Variants in WAC observed in about 807,000 individuals in gnomAD.
The protein encoded by WAC is WW domain-containing adapter protein with coiled-coil.
Under a neutral mutation model 79.6 loss-of-function variants are expected in WAC, and 11 were observed. The observed-to-expected ratio is 0.14, with a 90% CI of 0.09 to 0.23. The LOEUF (loss-of-function observed/expected upper bound fraction) is 0.23, where lower values mean the gene tolerates loss of function less well. WAC is among the 10% of genes least tolerant of loss of function. The pLI is 1.00. For missense variants in WAC, 728 were observed against 773.5 expected (o/e 0.94, Z 0.70); for synonymous variants, 304 against 276.9 (o/e 1.10, Z -0.97).
chr10:28,538,182 C>G (rs1221893672), intron 3 of WAC: 2 of 159,574 alleles, frequency 1.3e-5, no homozygotes, highest in Non-Finnish European at 2.8e-5. Flanking sequence ...AATTTGTTTT[C>G]TGGTGTTTAT....
At chr10:28,616,620 C>T (rs1210614318) in intron 12 of WAC, among the ~76,000 whole-genome samples, 2 of 152,216 alleles carry the variant, frequency 1.3e-5, no homozygotes, top group African/African-American at 4.8e-5. Flanking sequence ...TTTATTTTCT[C>T]TACTTCTTAA....
intron 3 of WAC, among the ~76,000 whole-genome samples, chr10:28,543,181 G>A (rs923384536): frequency 4.6e-5 from 7 of 152,124 alleles, no homozygotes; most frequent in African/African-American, 9.7e-5. Context: ...ACAAGATCTC[G>A]GGTGATACCT....
chr10:28,619,708 G>A lies in WAC; in HGVS notation c.*102G>A, dbSNP rs1841624257. ...ATTTAAGTAGACTTTGGACCGTTAA[G>A]CTGGGCAAAGGAAATGACAAGGGGA... is the stretch of plus-strand genomic sequence containing the variant. On this transcript the variant is annotated 3_prime_UTR_variant, in exon 14 of 14. Coordinates refer to ENST00000354911, the MANE Select transcript of WAC (RefSeq NM_016628.5). 1.1e-6 allele frequency: 1 copy of A among 916,988 alleles called. No homozygotes were observed. The highest frequency in any genetic ancestry group is 1.6e-6 in the Non-Finnish European group (1 of 631,086). The allele number at this position is 916,988 out of a possible 1,614,324, so 56.8% of individuals were successfully genotyped here. A position where few individuals can be genotyped will look rare whatever the true frequency, so the allele number is the denominator to read the frequency against.
At chr10:28,606,924 CTT>C (rs1840984039) in intron 7 of WAC, among the ~76,000 whole-genome samples, 1 of 152,156 alleles carries the variant, frequency 6.6e-6, no homozygotes, top group South Asian at 2.1e-4. Context: ...TCTCATTACT[CTT>C]TGCCAACATT....
chr10:28,563,208 C>A (rs1301602210), intron 3 of WAC, among the ~76,000 whole-genome samples: 2 of 152,056 alleles, frequency 1.3e-5, no homozygotes, highest in Non-Finnish European at 1.5e-5. Context: ...TGTGGCCGAG[C>A]ATTTTAGCAT....
intron 3 of WAC, among the ~76,000 whole-genome samples, chr10:28,559,486 C>T (rs977341855): frequency 1.3e-5 from 2 of 152,008 alleles, no homozygotes; most frequent in Admixed American, 6.6e-5. Flanking sequence ...GAAACGGAGG[C>T]AAAATTAATA....
Position 28,533,163 on chromosome 10 carries a change from G to GGCGGCACCA in WAC, c.-412_-411insACCAGCGGC, listed in dbSNP as rs1836364669. On this transcript the variant is annotated 5_prime_UTR_variant, in exon 1 of 14. Coordinates refer to ENST00000354911, the MANE Select transcript of WAC (RefSeq NM_016628.5). ...GTGGAGCGGCAGCGGCGGCACCAGCGGCGGCGGCGGCGGCGGGAGGAGGAG... is the reference window on the plus strand; with the variant it reads ...GTGGAGCGGCAGCGGCGGCACCAGCGGCGGCACCAGCGGCGGCGGCGGCGGGAGGAGGAG... 6.1e-6 allele frequency: 1 copy of GGCGGCACCA among 162,660 alleles called. No individual in the cohort carries two copies. The highest frequency in any genetic ancestry group is 1.8e-4 in the East Asian group (1 of 5,458). 10.1% of individuals were successfully genotyped at this position (162,660 alleles called of 1,614,324 possible). A position where few individuals can be genotyped will look rare whatever the true frequency, so the allele number is the denominator to read the frequency against.
chr10:28,593,843 T>C (rs993345846), intron 6 of WAC, among the ~76,000 whole-genome samples: 2 of 152,214 alleles, frequency 1.3e-5, no homozygotes, highest in African/African-American at 4.8e-5. Flanking sequence ...AATTTTTATT[T>C]TTGCAAACCT....
chr10:28,561,288 C>T (rs969655906), intron 3 of WAC, among the ~76,000 whole-genome samples: 3 of 152,170 alleles, frequency 2.0e-5, no homozygotes, highest in Non-Finnish European at 4.4e-5. Context: ...ACTGGGTACT[C>T]GCCACTCAAT....
intron 3 of WAC, among the ~76,000 whole-genome samples, chr10:28,537,837 T>C (rs1303786755): frequency 6.6e-6 from 1 of 152,234 alleles, no homozygotes; most frequent in Non-Finnish European, 1.5e-5. Flanking sequence ...CTTTTCGTTT[T>C]TAAAAATTTG....
At chr10:28,535,849 A>G (rs1836631070) in intron 3 of WAC, 92 bp downstream of exon 3, 2 of 1,100,844 alleles carry the variant, frequency 1.8e-6, no homozygotes, top group African/African-American at 3.2e-5. Flanking sequence ...TGAAGAAGTT[A>G]CTGTTCAGTT....
chr10:28,577,243 T>A (rs1006317106), intron 3 of WAC, among the ~76,000 whole-genome samples: 1 of 152,184 alleles, frequency 6.6e-6, no homozygotes, highest in Non-Finnish European at 1.5e-5. Flanking sequence ...GTGTACAAAT[T>A]TTTTTTAGTC....
At chr10:28,581,078 G>A (rs975636926) in intron 3 of WAC, among the ~76,000 whole-genome samples, 2 of 152,100 alleles carry the variant, frequency 1.3e-5, no homozygotes, top group South Asian at 2.1e-4. Flanking sequence ...TACCAGGGAA[G>A]CTCACTAGAG....
At chr10:28,617,612 T>C in intron 12 of WAC, 45 bp from the exon 13 acceptor site, 1 of 1,493,380 alleles carries the variant, frequency 6.7e-7, no homozygotes, top group Non-Finnish European at 8.9e-7. Flanking sequence ...ATTTTGTGTA[T>C]GTTAATGTTT....
At chr10:28,612,538 G>A (rs1208818588) in intron 10 of WAC, among the ~76,000 whole-genome samples, 1 of 152,222 alleles carries the variant, frequency 6.6e-6, no homozygotes, top group African/African-American at 2.4e-5. Context: ...AATGGTAAAT[G>A]TAGGGGGAAT....
chr10:28,557,540 A>T (rs970483952), intron 3 of WAC, among the ~76,000 whole-genome samples: 1 of 152,120 alleles, frequency 6.6e-6, no homozygotes, highest in Non-Finnish European at 1.5e-5. Context: ...AAAAATTTTT[A>T]AAAATCAGCT....
In WAC at chr10:28,533,563, T is replaced by A. The variant is rs2132290121; in HGVS notation, c.-17T>A. The A allele has an allele frequency of 6.3e-6, 9 of 1,437,742 alleles. No individual in the cohort carries two copies. Among genetic ancestry groups the A allele is most frequent in the African/African-American group, 1.5e-5 (1 of 65,904 alleles). The allele number at this position is 1,437,742 out of a possible 1,614,324, so 89.1% of individuals were successfully genotyped here. On this transcript the variant is annotated 5_prime_UTR_variant, in exon 1 of 14. Coordinates refer to ENST00000354911, the MANE Select transcript of WAC (RefSeq NM_016628.5). ...GCTCTCCCCCCTCCCCGACACACAC[T>A]CACAGGCCGGGCATTGATGGTAATG...
In WAC at chr10:28,610,698, G is replaced by A; in HGVS notation, c.1166-1G>A. The A allele has an allele frequency of 2.5e-6, 4 of 1,604,426 alleles. No individual in the cohort carries two copies. Among genetic ancestry groups the A allele is most frequent in the Non-Finnish European group, 3.4e-6 (4 of 1,177,322 alleles). ...GAATGTATGAAATAATATGTTTTTA[G>A]TTCTTACAGCAGCTGTGACACAAGC... On this transcript the variant is annotated splice_acceptor_variant, in intron 8 of 13. Coordinates refer to ENST00000354911, the MANE Select transcript of WAC (RefSeq NM_016628.5). LOFTEE classifies it high-confidence loss of function.
chr10:28,586,591 C>A (rs952818875), intron 4 of WAC, among the ~76,000 whole-genome samples: 5 of 152,096 alleles, frequency 3.3e-5, no homozygotes, highest in African/African-American at 1.2e-4. Context: ...AAGGCTGAAG[C>A]AAAGGATTGC....
Sources: allele counts gnomAD v4.1 joint callset (sites outside exome capture counted in the v4.1 genomes callset), GRCh38; gene constraint gnomAD v4.1.1; transcripts MANE v1.5; gene names NCBI Gene and HGNC (gene_info 2026-07-23, HGNC 2026-07-21).